The following TPM1 variants were observed in gnomAD, a reference collection of about 807,000 sequenced individuals.
TPM1 encodes tropomyosin alpha-1 chain.
TPM1 carries 24 observed loss-of-function variants against 42.9 expected under a neutral mutation model. The ratio of observed to expected loss-of-function variants is 0.56; its 90% CI spans 0.41 to 0.79. The LOEUF (loss-of-function observed/expected upper bound fraction) is 0.79. Among genes scored for constraint, TPM1 ranks in the 30% least tolerant of loss-of-function variants. The probability of loss-of-function intolerance (pLI) is 0.00; values close to 1 mark genes in which losing one functional copy is unlikely to be tolerated. For missense variants in TPM1, 158 were observed against 351.8 expected (o/e 0.45, Z 4.41); for synonymous variants, 136 against 130.1 (o/e 1.05, Z -0.31).
intron 7 of TPM1, 76 bp from the exon 8 acceptor site, chr15:63,062,500 T>C: frequency 6.5e-7 from 1 of 1,532,584 alleles, no homozygotes; most frequent in South Asian, 1.1e-5. Flanking sequence ...TTCATTTTCA[T>C]CCTCTAGTTT....
chr15:63,066,517 C>T (rs1329874253), downstream of TPM1, among the ~76,000 whole-genome samples: 1 of 152,104 alleles, frequency 6.6e-6, no homozygotes, highest in African/African-American at 2.4e-5. Context: ...GGTGGCCTTA[C>T]TTGGGAGGAC....
intron 2 of TPM1, chr15:63,048,451 G>A (rs1250413459): frequency 7.4e-7 from 1 of 1,357,116 alleles, no homozygotes; most frequent in Non-Finnish European, 9.4e-7. Context: ...CGCCGCCATC[G>A]CACAGAGAGG....
intron 2 of TPM1, chr15:63,048,734 G>T: frequency 6.6e-7 from 1 of 1,526,236 alleles, no homozygotes; most frequent in Non-Finnish European, 8.8e-7. Context: ...TCACCCCGCA[G>T]CCCCCAGAGG....
downstream of TPM1, among the ~76,000 whole-genome samples, chr15:63,066,414 C>T (rs534778272): frequency 1.4e-4 from 22 of 152,222 alleles, no homozygotes; most frequent in Non-Finnish European, 2.9e-4. Context: ...GGGGACATTG[C>T]TTGTTGAGAG....
intron 2 of TPM1, among the ~76,000 whole-genome samples, chr15:63,055,029 A>AT (rs751822589): frequency 2.1e-4 from 31 of 150,592 alleles, no homozygotes; most frequent in Non-Finnish European, 4.4e-4. Context: ...AATAGTAATA[A>AT]AAAAAAAAAG....
At chr15:63,059,490 C>G in intron 3 of TPM1, 73 bp from the exon 4 acceptor site, 2 of 1,224,836 alleles carry the variant, frequency 1.6e-6, no homozygotes, top group Non-Finnish European at 2.4e-6. Context: ...GCCTCACAAG[C>G]CACAGCAGTG....
downstream of TPM1, among the ~76,000 whole-genome samples, chr15:63,068,262 A>T (rs2036395146): frequency 6.6e-6 from 1 of 152,160 alleles, no homozygotes; most frequent in South Asian, 2.1e-4. Context: ...TGATGGGGAG[A>T]TAGAGGAGTG....
At chr15:63,043,802 C>T in intron 1 of TPM1, 4 of 1,549,272 alleles carry the variant, frequency 2.6e-6, no homozygotes, top group Non-Finnish European at 3.5e-6. Context: ...GGAGGACAGC[C>T]TCCTGGCCGC....
intron 1 of TPM1, chr15:63,043,820 G>A: frequency 6.5e-7 from 1 of 1,548,676 alleles, no homozygotes. Flanking sequence ...CGCCGAAGAG[G>A]CCGCCGCCAA....
At chr15:63,065,658 GT>G (rs1374008768) in intron 9 of TPM1, 1 of 983,500 alleles carries the variant, frequency 1.0e-6, no homozygotes, top group Non-Finnish European at 1.2e-6. Context: ...AATTTTTTTT[GT>G]TTTTAAATTC....
intron 2 of TPM1, chr15:63,055,838 A>G (rs1315462063): frequency 2.0e-5 from 3 of 152,246 alleles, no homozygotes. Context: ...ATAATGGACC[A>G]TCATAGTCTT....
chr15:63,044,259 C>CA (rs1166406868), intron 2 of TPM1, 107 bp downstream of exon 2: 7 of 1,526,702 alleles, frequency 4.6e-6, no homozygotes, highest in Non-Finnish European at 6.3e-6. Flanking sequence ...TCCTGCTGGA[C>CA]ACCTGCACAC....
intron 8 of TPM1, among the ~76,000 whole-genome samples, chr15:63,063,615 T>C (rs2035937409): frequency 6.6e-6 from 1 of 152,162 alleles, no homozygotes; most frequent in Non-Finnish European, 1.5e-5. Flanking sequence ...TAGTCACAAA[T>C]TGTTCTTCCA....
intron 2 of TPM1, chr15:63,044,419 C>G (rs2031956260): frequency 4.9e-6 from 3 of 611,624 alleles, no homozygotes; most frequent in Middle Eastern, 4.4e-4. Flanking sequence ...AATAGAGCAG[C>G]TGAAATTGGA....
intron 2 of TPM1, among the ~76,000 whole-genome samples, chr15:63,052,294 G>A (rs550040283): frequency 9.2e-5 from 14 of 152,266 alleles, no homozygotes; most frequent in South Asian, 6.2e-4. Context: ...CGGCCGAGAC[G>A]GGTGGATCAC....
chr15:63,046,555 A>G (rs1456696697), intron 2 of TPM1: 2 of 152,330 alleles, frequency 1.3e-5, no homozygotes, highest in African/African-American at 4.8e-5. Flanking sequence ...CTAGCTTAGA[A>G]GATTGTCATT....
intron 2 of TPM1, among the ~76,000 whole-genome samples, chr15:63,052,761 T>G (rs955747758): frequency 6.7e-6 from 1 of 149,806 alleles, no homozygotes; most frequent in Non-Finnish European, 1.5e-5. Flanking sequence ...TGAAATAAGC[T>G]CAAAACTTAA....
chr15:63,068,003 C>T (rs1754302999), downstream of TPM1, among the ~76,000 whole-genome samples: 1 of 152,234 alleles, frequency 6.6e-6, no homozygotes, highest in South Asian at 2.1e-4. Flanking sequence ...TTCATACTGA[C>T]CCTCTGGATT....
chr15:63,071,530 G>T, exon 9 of TPM1: 1 of 341,110 alleles, frequency 2.9e-6, no homozygotes, highest in Non-Finnish European at 5.7e-6. Context: ...GGTGTGGATT[G>T]GTGCTACTTT....
Sources: allele counts gnomAD v4.1 joint callset (sites outside exome capture counted in the v4.1 genomes callset), GRCh38; gene constraint gnomAD v4.1.1; transcripts MANE v1.5; gene names NCBI Gene and HGNC (gene_info 2026-07-23, HGNC 2026-07-21).